DYNC2H1: variants seen among roughly 807,000 people sequenced by gnomAD.
DYNC2H1 encodes the protein cytoplasmic dynein 2 heavy chain 1.
In DYNC2H1, 410 loss-of-function variants were observed where a neutral mutation model predicts 570.0. The observed-to-expected ratio is 0.72, with a 90% CI of 0.66 to 0.78. The LOEUF (loss-of-function observed/expected upper bound fraction) is 0.78, where lower values mean the gene tolerates loss of function less well. Ranked by LOEUF, DYNC2H1 falls within the 30% of genes least tolerant of loss-of-function variation. The pLI, the probability that DYNC2H1 is intolerant of heterozygous loss-of-function variation, is 0.00. For missense variants in DYNC2H1, 4,865 were observed against 5,046.4 expected (o/e 0.96, Z 1.09); for synonymous variants, 1,688 against 1,677.6 (o/e 1.01, Z -0.15).
At chr11:103,301,850 G>T (rs1384663312) in intron 75 of DYNC2H1, among the ~76,000 whole-genome samples, 3 of 151,910 alleles carry the variant, frequency 2.0e-5, no homozygotes, top group South Asian at 2.1e-4. Context: ...TATCTGAGGT[G>T]CAGTCTTGTC....
Position 103,439,940 on chromosome 11 carries a change from G to A in DYNC2H1, c.12456+3908G>A, listed in dbSNP as rs2135763347. 6.6e-6 allele frequency among the ~76,000 whole-genome samples: 1 copy of A among 152,056 alleles called. No individual in the cohort carries two copies. Among genetic ancestry groups the A allele is most frequent in the East Asian group, 1.9e-4 (1 of 5,176 alleles). On this transcript the variant is annotated intron_variant, in intron 85 of 88. Coordinates refer to ENST00000375735, the MANE Select transcript of DYNC2H1 (RefSeq NM_001377.3). This position sits in a 1 kb window ranked among gnomAD's most constrained non-coding sequence, Gnocchi z 4.1. ...CTTGTGTTCCTGATTTCCACTCTGT[G>A]TTTTCCCTTTGGCTTGTAGCGTATC...
chr11:103,287,671 A>G lies in DYNC2H1; in HGVS notation c.11095+66A>G, dbSNP rs192265673. On this transcript the variant is annotated intron_variant, in intron 75 of 88. Coordinates refer to ENST00000375735, the MANE Select transcript of DYNC2H1 (RefSeq NM_001377.3). ...ATTATTTGTTTTTAATTTACCTTTC[A>G]TTTTATGTTAGCCTGAGTTTAGAAA... 5.4e-6 allele frequency: 7 copies of G among 1,303,260 alleles called. No homozygotes were observed. The African/African-American group carries it at 1.0e-4, about 19-fold the overall frequency. The allele number at this position is 1,303,260 out of a possible 1,614,324, so 80.7% of individuals were successfully genotyped here. A position where few individuals can be genotyped will look rare whatever the true frequency, so the allele number is the denominator to read the frequency against.
intron 82 of DYNC2H1, among the ~76,000 whole-genome samples, chr11:103,329,892 A>T (rs1395849308): frequency 6.6e-6 from 1 of 152,150 alleles, no homozygotes; most frequent in Non-Finnish European, 1.5e-5. Flanking sequence ...GGCTATAGGT[A>T]TTTCAGTATT....
intron 84 of DYNC2H1, among the ~76,000 whole-genome samples, chr11:103,427,321 T>G (rs1943708127): frequency 6.6e-6 from 1 of 152,186 alleles, no homozygotes; most frequent in African/African-American, 2.4e-5. Context: ...GAAGTAAATA[T>G]ACATTCAATG....
chr11:103,426,319 A>G (rs1943671255), intron 84 of DYNC2H1, among the ~76,000 whole-genome samples: 1 of 152,024 alleles, frequency 6.6e-6, no homozygotes, highest in Admixed American at 6.6e-5. Context: ...CTGATTTCCT[A>G]CTCCACACTT....
chr11:103,321,032 C>T lies in DYNC2H1; in HGVS notation c.11729C>T (p.Ala3910Val), dbSNP rs761659342. The change falls in exon 81 of 89, where the codon GCC becomes GTC. Residue 3910 changes from alanine to valine, a missense_variant. Physicochemically the swap from Ala to Val is moderately conservative, Grantham distance 64. Coordinates refer to ENST00000375735, the MANE Select transcript of DYNC2H1 (RefSeq NM_001377.3). ...GAGTGTTTTTTTAAAATTATAGGTG[C>T]CAAAGATGTACAATGGGAATTTGTA... The part of the protein sequence containing the change: ...YNIIDRLFDG[A>V]KDVQWEFVHG... 1.2e-6 allele frequency: 2 copies of T among 1,602,156 alleles called. No homozygotes were observed. The highest frequency in any genetic ancestry group is 4.5e-5 in the East Asian group (2 of 44,602).
intron 84 of DYNC2H1, among the ~76,000 whole-genome samples, chr11:103,427,444 T>C (rs1461553788): frequency 6.6e-6 from 1 of 152,162 alleles, no homozygotes; most frequent in Non-Finnish European, 1.5e-5. Flanking sequence ...TAAGTATTCC[T>C]AATGTATACC....
In DYNC2H1 at chr11:103,163,297, C is replaced by T. The variant is rs1861174042; in HGVS notation, c.4611+150C>T. Reference sequence around the variant, plus strand: ...TTGCTTAACTTCTGAGTCTCAGTTCCTTCAGCTGTAAAATGTGGGGGATGA... The same window carrying T: ...TTGCTTAACTTCTGAGTCTCAGTTCTTTCAGCTGTAAAATGTGGGGGATGA... On this transcript the variant is annotated intron_variant, in intron 30 of 88. Transcript: ENST00000375735. The surrounding 1 kb of genome is among the most constrained non-coding windows in gnomAD (Gnocchi z 4.6). The T allele has an allele frequency of 9.7e-7, 1 of 1,028,838 alleles. No homozygotes were observed. 63.7% of individuals were successfully genotyped at this position (1,028,838 alleles called of 1,614,324 possible). A position where few individuals can be genotyped will look rare whatever the true frequency, so the allele number is the denominator to read the frequency against.
At chr11:103,210,595 A>G (rs1863117878) in intron 53 of DYNC2H1, among the ~76,000 whole-genome samples, 1 of 152,094 alleles carries the variant, frequency 6.6e-6, no homozygotes, top group South Asian at 2.1e-4. Flanking sequence ...ATATAGCAAG[A>G]TAAGTGATAG....
At chr11:103,142,601 G>A (rs1860010080) in intron 17 of DYNC2H1, among the ~76,000 whole-genome samples, 2 of 152,096 alleles carry the variant, frequency 1.3e-5, no homozygotes, top group Admixed American at 6.6e-5. Flanking sequence ...CCAGGGAGAT[G>A]GAGGTTTCAG....
chr11:103,287,701 A>G (rs1866404963), intron 75 of DYNC2H1, 96 bp downstream of exon 75: 2 of 972,168 alleles, frequency 2.1e-6, no homozygotes, highest in Non-Finnish European at 3.0e-6. Flanking sequence ...TAGAAATGTT[A>G]TAATGTCTCT....
In DYNC2H1 at chr11:103,472,987, T is replaced by G. The variant is rs1591808938; in HGVS notation, c.12765+4282T>G. On this transcript the variant is annotated intron_variant, in intron 88 of 88. Coordinates refer to ENST00000375735, the MANE Select transcript of DYNC2H1 (RefSeq NM_001377.3). This position sits in a 1 kb window ranked among gnomAD's most constrained non-coding sequence, Gnocchi z 4.1. The stretch of plus-strand genomic sequence containing the variant: ...TGCAGCTCCATTTTTCAGAGAACAT[T>G]TTAGGTTGCAAAAGATTGAAGAACT... Among the ~76,000 whole-genome samples the G allele has an allele frequency of 6.6e-6, 1 of 152,092 alleles. No individual in the cohort carries two copies. Among genetic ancestry groups the G allele is most frequent in the Non-Finnish European group, 1.5e-5 (1 of 68,020 alleles).
chr11:103,478,531 A>G (rs1234194737), intron 88 of DYNC2H1, among the ~76,000 whole-genome samples: 2 of 152,176 alleles, frequency 1.3e-5, no homozygotes, highest in Non-Finnish European at 1.5e-5. Flanking sequence ...TAGGAATACA[A>G]GGAACAGACA....
chr11:103,387,352 G>A (rs1047330781), intron 83 of DYNC2H1, among the ~76,000 whole-genome samples: 6 of 152,024 alleles, frequency 3.9e-5, no homozygotes, highest in Admixed American at 1.3e-4. Context: ...GGGGTTCTTT[G>A]TTTTTCTCTT....
intron 25 of DYNC2H1, 43 bp from the exon 26 acceptor site, chr11:103,156,345 A>G (rs775804683): frequency 1.3e-6 from 2 of 1,539,110 alleles, no homozygotes; most frequent in Admixed American, 4.3e-5. Flanking sequence ...TTATGTGAAA[A>G]TTAATGTTGA....
chr11:103,192,347 G>T, intron 47 of DYNC2H1, 83 bp downstream of exon 47: 3 of 1,002,080 alleles, frequency 3.0e-6, no homozygotes, highest in Non-Finnish European at 4.0e-6. Context: ...GATTTTATAG[G>T]TCTAAACAAA....
intron 71 of DYNC2H1, among the ~76,000 whole-genome samples, chr11:103,281,709 T>C (rs1866142630): frequency 7.3e-6 from 1 of 137,484 alleles, no homozygotes; most frequent in African/African-American, 2.9e-5. Flanking sequence ...TAATCTTAAT[T>C]CTATGGCAAA....
chr11:103,429,953 A>G (rs894200673), intron 84 of DYNC2H1, among the ~76,000 whole-genome samples: 2 of 151,858 alleles, frequency 1.3e-5, no homozygotes, highest in Admixed American at 1.3e-4. Flanking sequence ...AGGCACTGTG[A>G]TAAGCTAGAA....
chr11:103,283,034 G>C lies in DYNC2H1; in HGVS notation c.10839G>C (p.Gln3613His). The change falls in exon 73 of 89, where the codon CAG (glutamine) becomes CAC (histidine). Residue 3613 changes from glutamine (Q) to histidine (H), a missense_variant. Transcript: ENST00000375735. ...ACTCTCAACAAAAAATACGTGATCA[G>C]CTTCCGTCTTGGATAGATCAGGAAC... ...KADSQQKIRD[Q>H]LPSWIDQERS... 1 of 1,604,950 alleles carries C rather than the reference G, an allele frequency of 6.2e-7. No homozygotes were observed. The highest frequency in any genetic ancestry group is 2.2e-5 in the East Asian group (1 of 44,558).
Sources: gnomAD v4.1 joint callset for allele counts (sites outside exome capture counted in the v4.1 genomes callset) on GRCh38, gnomAD v4.1.1 for gene constraint, Gnocchi (gnomAD v3.1) non-coding constraint, MANE v1.5 for transcripts, NCBI Gene and HGNC (gene_info 2026-07-23, HGNC 2026-07-21) for gene names.